The following MYO1E variants were observed in gnomAD, a reference collection of about 807,000 sequenced individuals.
The protein encoded by MYO1E is unconventional myosin-Ie.
MYO1E carries 68 observed loss-of-function variants against 151.1 expected under a neutral mutation model. The observed-to-expected ratio is 0.45, with a 90% CI of 0.37 to 0.55. The LOEUF (loss-of-function observed/expected upper bound fraction) is 0.55, where lower values mean the gene tolerates loss of function less well. Ranked by LOEUF, MYO1E falls within the 20% of genes least tolerant of loss-of-function variation. MYO1E has a pLI of 0.00. For synonymous variants in MYO1E, 601 were observed against 501.7 expected, an observed-to-expected ratio of 1.20 and a Z score of -2.64; for missense variants, 1,363 against 1,389.3, an observed-to-expected ratio of 0.98 and a Z score of 0.30.
chr15:59,229,471 A>G (rs1566986090), intron 6 of MYO1E, among the ~76,000 whole-genome samples: 3 of 152,252 alleles, frequency 2.0e-5, no homozygotes, highest in South Asian at 4.1e-4. Flanking sequence ...AGGTTAACAT[A>G]TTTAGGACTG....
At chr15:59,312,982 G>C (rs1222377467) in intron 1 of MYO1E, among the ~76,000 whole-genome samples, 3 of 152,068 alleles carry the variant, frequency 2.0e-5, no homozygotes, top group Non-Finnish European at 4.4e-5. Context: ...CGGAGATCAC[G>C]CCATTGCACT....
chr15:59,188,092 A>G (rs1271513609), intron 18 of MYO1E, 26 bp downstream of exon 18: 2 of 1,544,186 alleles, frequency 1.3e-6, no homozygotes, highest in Admixed American at 1.7e-5. Context: ...CTGTTTTAAA[A>G]AAGGCCAGAG....
intron 14 of MYO1E, chr15:59,207,821 A>G (rs1199169329): frequency 1.2e-6 from 2 of 1,614,208 alleles, no homozygotes; most frequent in Non-Finnish European, 1.7e-6. Flanking sequence ...ATTAAAATGA[A>G]AGGTTATACT....
intron 26 of MYO1E, among the ~76,000 whole-genome samples, chr15:59,152,102 G>T (rs951999366): frequency 6.6e-6 from 1 of 151,928 alleles, no homozygotes; most frequent in Non-Finnish European, 1.5e-5. Flanking sequence ...GGTGGTGCGT[G>T]CCTGTAATCC....
At chr15:59,337,043 G>C (rs1224217250) in intron 1 of MYO1E, among the ~76,000 whole-genome samples, 1 of 151,650 alleles carries the variant, frequency 6.6e-6, no homozygotes, top group Non-Finnish European at 1.5e-5. Context: ...AAAAATCTAT[G>C]CTTATATAAT....
intron 23 of MYO1E, 150 bp downstream of exon 23, chr15:59,163,007 T>C: frequency 1.2e-6 from 1 of 826,030 alleles, no homozygotes; most frequent in South Asian, 1.6e-5. Context: ...ATCCAGACTG[T>C]CTTCTGCAGG....
At chr15:59,149,241 G>GGA (rs1430318874) in intron 26 of MYO1E, among the ~76,000 whole-genome samples, 1 of 151,830 alleles carries the variant, frequency 6.6e-6, no homozygotes, top group Non-Finnish European at 1.5e-5. Flanking sequence ...TGTTTTTAGT[G>GGA]GAGACGGGGT....
At chr15:59,338,284 C>CT (rs35457560) in intron 1 of MYO1E, among the ~76,000 whole-genome samples, 4,676 of 128,600 alleles carry the variant, frequency 0.036, 244 homozygotes, top group African/African-American at 0.12. Context: ...TCAGTATTGA[C>CT]TTTTTTTTTT....
chr15:59,143,068 C>G (rs911236074), intron 26 of MYO1E, among the ~76,000 whole-genome samples: 1 of 152,098 alleles, frequency 6.6e-6, no homozygotes, highest in Middle Eastern at 3.2e-3. Context: ...GTGTATGTGG[C>G]CACTGCGTGG....
rs775663802 is a variant in MYO1E at position 59,171,987 on chromosome 15, T to A, written c.2390A>T (p.Glu797Val). 1 of 1,614,222 alleles carries A rather than the reference T, an allele frequency of 6.2e-7. No individual in the cohort carries two copies. Among genetic ancestry groups the A allele is most frequent in the African/African-American group, 1.3e-5 (1 of 75,062 alleles). Residue 797 changes from glutamate to valine, a missense_variant, in exon 22 of 28, where the codon GAA becomes GTA. Transcript: ENST00000288235. ...TPKCLYLIGR[E>V]KVKQGPDKGL... ...CTTGTCTGGGCCCTGTTTGACTTTTTCTCGTCCGATTAAGTACAAGCACTT... is the reference window on the plus strand; with the variant it reads ...CTTGTCTGGGCCCTGTTTGACTTTTACTCGTCCGATTAAGTACAAGCACTT...
Position 59,234,283 on chromosome 15 carries a change from C to T in MYO1E, c.420+2302G>A, listed in dbSNP as rs541004157. 2.2e-3 allele frequency among the ~76,000 whole-genome samples: 322 copies of T among 146,376 alleles called. 2 individuals are homozygous for T. Among genetic ancestry groups the T allele is most frequent in the African/African-American group, 8.1e-3 (299 of 36,750 alleles). On this transcript the variant is annotated intron_variant, in intron 5 of 27. Coordinates refer to ENST00000288235, the MANE Select transcript of MYO1E (RefSeq NM_004998.4). ...ATGGGTGCATGGATGGATGGATGCACGGATGGATGGATGGATGGATCCATA... is the reference window on the plus strand; with the variant it reads ...ATGGGTGCATGGATGGATGGATGCATGGATGGATGGATGGATGGATCCATA...
At position 59,159,030 on chromosome 15, in the gene MYO1E, T is replaced by C. The variant is rs529419586; in HGVS notation, c.2786-651A>G. On this transcript the variant is annotated intron_variant, in intron 24 of 27. Transcript: ENST00000288235. The surrounding 1 kb of genome is among the most constrained non-coding windows in gnomAD (Gnocchi z 4.4). ...ACATCTATGTGGGGAAGAAAAACAA[T>C]AGGGTCTTGAATGGAACAGGAAGGA... 1.3e-5 allele frequency among the ~76,000 whole-genome samples: 2 copies of C among 151,966 alleles called. No homozygotes were observed. The highest frequency in any genetic ancestry group is 2.1e-4 in the South Asian group (1 of 4,818).
rs2140373930 is a variant in MYO1E, at chr15:59,261,417, T to A, written c.237+3A>T. On this transcript the variant is annotated splice_donor_region_variant and intron_variant, in intron 3 of 27. Coordinates refer to ENST00000288235, the MANE Select transcript of MYO1E (RefSeq NM_004998.4). ...GCAGTAATTTATGTGACACGTAACT[T>A]ACCGCTCCTTGGTACATTTCAATTT... is the stretch of plus-strand genomic sequence containing the variant. 6.3e-7 allele frequency: 1 copy of A among 1,599,374 alleles called. No individual in the cohort carries two copies. Among genetic ancestry groups the A allele is most frequent in the Middle Eastern group, 1.7e-4 (1 of 6,024 alleles).
chr15:59,252,301 A>G (rs2080169471), intron 4 of MYO1E, among the ~76,000 whole-genome samples: 1 of 152,138 alleles, frequency 6.6e-6, no homozygotes, highest in Admixed American at 6.6e-5. Context: ...ACCAAGGCCT[A>G]GCGGGGTGCG....
At chr15:59,317,222 C>A (rs183208058) in intron 1 of MYO1E, among the ~76,000 whole-genome samples, 5 of 152,322 alleles carry the variant, frequency 3.3e-5, no homozygotes, top group Admixed American at 1.3e-4. Context: ...ACATTACCTG[C>A]CCTCATAGAG....
rs1284684643 is a variant in MYO1E at position 59,195,694 on chromosome 15, G to A, written c.1699-127C>T. Reference sequence around the variant, plus strand: ...AATTAATCTTCATGACAATTTGCTCGTTAAGCATAACTCAGGTCTACTAAA... The same window carrying A: ...AATTAATCTTCATGACAATTTGCTCATTAAGCATAACTCAGGTCTACTAAA... On this transcript the variant is annotated intron_variant, in intron 16 of 27. Transcript: ENST00000288235. The A allele has an allele frequency of 7.3e-6, 7 of 963,232 alleles. No homozygotes were observed. In the East Asian group the frequency reaches 1.2e-4, roughly 17 times the overall value. 59.7% of individuals were successfully genotyped at this position (963,232 alleles called of 1,614,324 possible).
chr15:59,208,112 A>G, intron 14 of MYO1E: 1 of 1,534,164 alleles, frequency 6.5e-7, no homozygotes, highest in Non-Finnish European at 8.7e-7. Flanking sequence ...CCATTCCGAA[A>G]TTATTGAAGA....
chr15:59,319,898 G>A (rs560844357), intron 1 of MYO1E, among the ~76,000 whole-genome samples: 4 of 152,014 alleles, frequency 2.6e-5, no homozygotes, highest in East Asian at 1.9e-4. Context: ...GCAAAACTCC[G>A]TCTCAAAGCA....
chr15:59,308,871 ATTAT>A (rs1393248205), intron 1 of MYO1E, among the ~76,000 whole-genome samples: 3 of 151,332 alleles, frequency 2.0e-5, no homozygotes, highest in Middle Eastern at 3.4e-3. Flanking sequence ...GGATTTGTTT[ATTAT>A]TTATTTATTA....
Sources: allele counts gnomAD v4.1 joint callset (sites outside exome capture counted in the v4.1 genomes callset), GRCh38; gene constraint gnomAD v4.1.1; non-coding constraint Gnocchi (gnomAD v3.1); transcripts MANE v1.5; gene names NCBI Gene and HGNC (gene_info 2026-07-23, HGNC 2026-07-21).